SCAI: variants seen among roughly 807,000 people sequenced by gnomAD.
The protein encoded by SCAI is suppressor of cancer cell invasion, also known as protein SCAI.
A neutral mutation model predicts 92.2 loss-of-function variants in SCAI; 24 were observed. The ratio of observed to expected loss-of-function variants is 0.26; its 90% CI spans 0.19 to 0.37. SCAI has a LOEUF of 0.37. Ranked by LOEUF, SCAI falls within the 10% of genes least tolerant of loss-of-function variation. The pLI, the probability that SCAI is intolerant of heterozygous loss-of-function variation, is 1.00. For synonymous variants in SCAI, 261 were observed against 258.6 expected, an observed-to-expected ratio of 1.01 and a Z score of -0.09; for missense variants, 450 against 736.2, an observed-to-expected ratio of 0.61 and a Z score of 4.50.
chr9:125,054,962 T>C (rs1250773014), intron 3 of SCAI, among the ~76,000 whole-genome samples: 1 of 151,998 alleles, frequency 6.6e-6, no homozygotes, highest in African/African-American at 2.4e-5. Context: ...GCAAATCAAA[T>C]GAATATAGGA....
chr9:124,979,832 G>T (rs1299163817), intron 14 of SCAI, among the ~76,000 whole-genome samples: 7 of 152,056 alleles, frequency 4.6e-5, no homozygotes. Flanking sequence ...GGCGGATCAC[G>T]AGGTCGGGTG....
intron 14 of SCAI, among the ~76,000 whole-genome samples, chr9:124,987,084 G>A (rs552266754): frequency 6.6e-6 from 1 of 152,324 alleles, no homozygotes; most frequent in Admixed American, 6.5e-5. Flanking sequence ...CCAGGCTGGA[G>A]TGCAGTGGTG....
chr9:125,116,933 C>T (rs1178701558), intron 2 of SCAI, among the ~76,000 whole-genome samples: 1 of 152,038 alleles, frequency 6.6e-6, no homozygotes, highest in Non-Finnish European at 1.5e-5. Flanking sequence ...TTATTCTTTA[C>T]CTGGTGTCAA....
Position 124,950,180 on chromosome 9 carries a change from G to C in SCAI, c.*2627C>G, listed in dbSNP as rs1008021601. 1 of 151,978 alleles carries C rather than the reference G, an allele frequency of 6.6e-6. No homozygotes were observed. The highest frequency in any genetic ancestry group is 1.5e-5 in the Non-Finnish European group (1 of 67,990). 9.4% of individuals were successfully genotyped at this position (151,978 alleles called of 1,614,324 possible). A position where few individuals can be genotyped will look rare whatever the true frequency, so the allele number is the denominator to read the frequency against. On this transcript the variant is annotated 3_prime_UTR_variant, in exon 18 of 18. Coordinates refer to ENST00000336505, the MANE Select transcript of SCAI (RefSeq NM_001144877.3). The stretch of plus-strand genomic sequence containing the variant: ...GTAAATATGACTTACAAAAGAAAAG[G>C]TTGTGTACACTACAAACAGGGTAAA...
At chr9:125,074,802 C>A (rs1344458629) in intron 2 of SCAI, among the ~76,000 whole-genome samples, 1 of 151,690 alleles carries the variant, frequency 6.6e-6, no homozygotes, top group African/African-American at 2.4e-5. Flanking sequence ...GTCAGGAGTT[C>A]GAGACCAGCC....
intron 6 of SCAI, among the ~76,000 whole-genome samples, chr9:125,021,625 T>G (rs1832871815): frequency 1.3e-5 from 2 of 152,236 alleles, no homozygotes; most frequent in Non-Finnish European, 2.9e-5. Flanking sequence ...CATTTCCTCC[T>G]GCTTTCCATA....
rs749518064 is a variant in SCAI, at chr9:125,019,003, T to G, written c.709-52A>C. 1.1e-5 allele frequency: 18 copies of G among 1,576,368 alleles called. No individual in the cohort carries two copies. In the South Asian group the frequency reaches 2.0e-4, roughly 18 times the overall value. On this transcript the variant is annotated intron_variant, in intron 8 of 17. Coordinates refer to ENST00000336505, the MANE Select transcript of SCAI (RefSeq NM_001144877.3). ...ACGAATGGCCAAGACTAAATATCAATAGAGTAAGCTATTCCTTCTTCTTGA... is the reference window on the plus strand; with the variant it reads ...ACGAATGGCCAAGACTAAATATCAAGAGAGTAAGCTATTCCTTCTTCTTGA...
intron 2 of SCAI, among the ~76,000 whole-genome samples, chr9:125,126,510 A>G (rs1211123288): frequency 9.7e-5 from 13 of 133,942 alleles, no homozygotes; most frequent in Admixed American, 1.6e-4. Flanking sequence ...TTTTTTTAAA[A>G]CCCAATCTGA....
intron 13 of SCAI, 75 bp downstream of exon 13, chr9:124,999,816 A>G: frequency 1.3e-6 from 1 of 775,582 alleles, no homozygotes; most frequent in South Asian, 1.8e-5. Flanking sequence ...AAAACTCCCC[A>G]TTTTACTTAA....
chr9:124,989,512 C>T (rs1432415275), intron 14 of SCAI, among the ~76,000 whole-genome samples: 2 of 151,732 alleles, frequency 1.3e-5, no homozygotes, highest in African/African-American at 2.4e-5. Flanking sequence ...ACCTGGGAGG[C>T]GGAGGTTGCA....
At chr9:125,069,585 T>C (rs1022718449) in intron 2 of SCAI, among the ~76,000 whole-genome samples, 2 of 150,038 alleles carry the variant, frequency 1.3e-5, no homozygotes, top group African/African-American at 4.9e-5. Flanking sequence ...CCCAAAGTGC[T>C]GGGATTACAG....
intron 17 of SCAI, among the ~76,000 whole-genome samples, chr9:124,954,696 C>G (rs549914177): frequency 6.6e-6 from 1 of 152,096 alleles, no homozygotes; most frequent in African/African-American, 2.4e-5. Flanking sequence ...ATCACCACAA[C>G]CAATTTTAGA....
At position 124,947,950 on chromosome 9, in the gene SCAI, T is replaced by C. The variant is rs929251456; in HGVS notation, c.*4857A>G. On this transcript the variant is annotated 3_prime_UTR_variant, in exon 18 of 18. Coordinates refer to ENST00000336505, the MANE Select transcript of SCAI (RefSeq NM_001144877.3). ...TATTTCCAGTCCAGAGTGTTCTCTG[T>C]ATATCAGGCTGATTACAAGTCTCCA... 2 of 152,190 alleles carry C rather than the reference T, an allele frequency of 1.3e-5. No individual in the cohort carries two copies. Among genetic ancestry groups the C allele is most frequent in the East Asian group, 3.9e-4 (2 of 5,194 alleles). The allele number at this position is 152,190 out of a possible 1,614,324, so 9.4% of individuals were successfully genotyped here. A position where few individuals can be genotyped will look rare whatever the true frequency, so the allele number is the denominator to read the frequency against.
At chr9:125,066,744 C>G (rs1221508387) in intron 2 of SCAI, among the ~76,000 whole-genome samples, 1 of 152,136 alleles carries the variant, frequency 6.6e-6, no homozygotes, top group South Asian at 2.1e-4. Context: ...TGAGCCACTG[C>G]GCCTGGCCTA....
chr9:125,027,090 T>C (rs945029648), intron 5 of SCAI, among the ~76,000 whole-genome samples, 180 bp from the exon 6 acceptor site: 2 of 152,114 alleles, frequency 1.3e-5, no homozygotes, highest in Non-Finnish European at 2.9e-5. Flanking sequence ...TAAAAAATAA[T>C]AATGAAATTT....
At chr9:125,033,284 G>C (rs10986524) in intron 3 of SCAI, among the ~76,000 whole-genome samples, 1,872 of 152,126 alleles carry the variant, frequency 0.012, 95 homozygotes, top group Admixed American at 0.083. Context: ...TTCACAAAGA[G>C]AAAGATTTGG....
intron 2 of SCAI, among the ~76,000 whole-genome samples, chr9:125,095,145 C>A (rs1354326566): frequency 1.3e-5 from 2 of 152,162 alleles, no homozygotes; most frequent in Non-Finnish European, 2.9e-5. Flanking sequence ...AATCCCTCAT[C>A]CAGTAACCAA....
At chr9:125,074,665 C>A (rs534757644) in intron 2 of SCAI, among the ~76,000 whole-genome samples, 1 of 151,984 alleles carries the variant, frequency 6.6e-6, no homozygotes, top group Non-Finnish European at 1.5e-5. Flanking sequence ...CAAACTTGAT[C>A]TAATTTAAAT....
chr9:125,063,771 G>C (rs913536667), intron 2 of SCAI, among the ~76,000 whole-genome samples: 2 of 97,654 alleles, frequency 2.0e-5, no homozygotes, highest in African/African-American at 7.4e-5. Context: ...TTTTTTTTTT[G>C]AGACAGAGTT....
Sources: gnomAD v4.1 joint callset for allele counts (sites outside exome capture counted in the v4.1 genomes callset) on GRCh38, gnomAD v4.1.1 for gene constraint, MANE v1.5 for transcripts, NCBI Gene and HGNC (gene_info 2026-07-23, HGNC 2026-07-21) for gene names.